Variants in TAF3 observed in about 807,000 individuals in gnomAD.
The protein encoded by TAF3 is transcription initiation factor TFIID subunit 3.
Under a neutral mutation model 80.6 loss-of-function variants are expected in TAF3, and 7 were observed. The observed-to-expected ratio is 0.09, with a 90% CI of 0.05 to 0.16. The LOEUF is 0.16. Among genes scored for constraint, TAF3 ranks in the 10% least tolerant of loss-of-function variants. The pLI, the probability that TAF3 is intolerant of heterozygous loss-of-function variation, is 1.00. For missense variants in TAF3, 921 were observed against 1,140.2 expected, an observed-to-expected ratio of 0.81 and a Z score of 2.77; for synonymous variants, 444 against 446.1, an observed-to-expected ratio of 1.00 and a Z score of 0.06.
In TAF3 at chr10:7,892,547, C is replaced by T. The variant is rs1459096222; in HGVS notation, c.409+67987C>T. Among the ~76,000 whole-genome samples the T allele has an allele frequency of 2.0e-5, 3 of 152,058 alleles. No individual in the cohort carries two copies. In the East Asian group the frequency reaches 5.8e-4, roughly 29 times the overall value. On this transcript the variant is annotated intron_variant, in intron 2 of 6. Coordinates refer to ENST00000344293, the MANE Select transcript of TAF3 (RefSeq NM_031923.4). ...GCAGCATATAGCATTTTATATCTTT[C>T]AATATATTAACATAGTAAATCTTAA... is the stretch of plus-strand genomic sequence containing the variant.
chr10:7,911,560 C>T (rs4749343), intron 2 of TAF3, among the ~76,000 whole-genome samples: 29,929 of 152,136 alleles, frequency 0.2, 3,064 homozygotes, highest in East Asian at 0.3. Context: ...GGAATATCCT[C>T]AGCTTTGTTT....
At chr10:7,954,140 G>T (rs557507520) in intron 2 of TAF3, among the ~76,000 whole-genome samples, 1 of 138,284 alleles carries the variant, frequency 7.2e-6, no homozygotes, top group African/African-American at 2.6e-5. Flanking sequence ...ATTAGTCCCA[G>T]TTAACACAGA....
rs769771292 is a variant in TAF3 at position 8,009,108 on chromosome 10, G to C, written c.2346G>C (p.Glu782Asp). The change falls in exon 5 of 7, where the codon GAG becomes GAC. Residue 782 changes from glutamate to aspartate, a missense_variant. Coordinates refer to ENST00000344293, the MANE Select transcript of TAF3 (RefSeq NM_031923.4). This position sits in a 1 kb window ranked among gnomAD's most constrained non-coding sequence, Gnocchi z 4.1. ...IVISKVVPAP[E>D]AKPAPSQNRP... ...TCAGCAAGGTGGTCCCTGCCCCCGAGGCCAAGCCGGCGCCCTCGCAGAACA... is the reference window on the plus strand; with the variant it reads ...TCAGCAAGGTGGTCCCTGCCCCCGACGCCAAGCCGGCGCCCTCGCAGAACA... The C allele has an allele frequency of 7.5e-6, 12 of 1,601,426 alleles. No homozygotes were observed. The highest frequency in any genetic ancestry group is 2.3e-5 in the East Asian group (1 of 44,346).
chr10:8,005,587 T>TG (rs1564381995), intron 4 of TAF3, among the ~76,000 whole-genome samples: 1 of 152,110 alleles, frequency 6.6e-6, no homozygotes, highest in East Asian at 1.9e-4. Flanking sequence ...CATAACCAAA[T>TG]ATCAGACTTG....
At chr10:7,844,471 G>A (rs1836949917) in intron 2 of TAF3, among the ~76,000 whole-genome samples, 1 of 151,004 alleles carries the variant, frequency 6.6e-6, no homozygotes, top group East Asian at 1.9e-4. Flanking sequence ...CCGCCTCCTG[G>A]GTTCAAGCGA....
chr10:7,993,417 A>C (rs1413867668), intron 4 of TAF3, among the ~76,000 whole-genome samples: 1 of 152,136 alleles, frequency 6.6e-6, no homozygotes, highest in African/African-American at 2.4e-5. Flanking sequence ...GGGCTCAAGC[A>C]ATCCTTCTGC....
At chr10:7,943,517 T>G (rs1020470321) in intron 2 of TAF3, among the ~76,000 whole-genome samples, 1 of 152,194 alleles carries the variant, frequency 6.6e-6, no homozygotes, top group Non-Finnish European at 1.5e-5. Flanking sequence ...TCATTGTCCT[T>G]GCCAGTTCTG....
At chr10:7,856,315 A>G (rs535177393) in intron 2 of TAF3, among the ~76,000 whole-genome samples, 57 of 152,196 alleles carry the variant, frequency 3.7e-4, no homozygotes, top group African/African-American at 1.3e-3. Flanking sequence ...GTCTCTACTA[A>G]AAATACAAAA....
chr10:7,854,681 C>T lies in TAF3; in HGVS notation c.409+30121C>T, dbSNP rs992818187. Among the ~76,000 whole-genome samples the T allele has an allele frequency of 2.0e-5, 3 of 151,794 alleles. No homozygotes were observed. The East Asian group carries it at 5.8e-4, about 29-fold the overall frequency. On this transcript the variant is annotated intron_variant, in intron 2 of 6. Transcript: ENST00000344293. ...TGGGGGGGCGGGGGGAGGGGAGCTT[C>T]ACTAGGAAATCAGGAAGCTAGGGAA...
chr10:7,831,419 C>T (rs1037600238), intron 2 of TAF3, among the ~76,000 whole-genome samples: 2 of 152,204 alleles, frequency 1.3e-5, no homozygotes, highest in African/African-American at 4.8e-5. Context: ...AATCTTGGCT[C>T]ACTGCAACCT....
intron 2 of TAF3, among the ~76,000 whole-genome samples, chr10:7,858,981 T>C (rs1837114488): frequency 6.6e-6 from 1 of 152,104 alleles, no homozygotes; most frequent in African/African-American, 2.4e-5. Context: ...AACACCTTAT[T>C]GAAAAGTGTG....
intron 2 of TAF3, among the ~76,000 whole-genome samples, chr10:7,895,947 C>CG (rs1731211795): frequency 6.6e-6 from 1 of 151,984 alleles, no homozygotes; most frequent in Admixed American, 6.5e-5. Context: ...GCTGACCATG[C>CG]GGGGGTGGAA....
intron 4 of TAF3, among the ~76,000 whole-genome samples, chr10:8,003,637 A>G (rs1164424660): frequency 1.3e-5 from 2 of 152,242 alleles, no homozygotes; most frequent in Non-Finnish European, 2.9e-5. Context: ...CATTTGTTGC[A>G]TTTAATGCAG....
At chr10:7,932,053 G>T (rs1284457527) in intron 2 of TAF3, among the ~76,000 whole-genome samples, 1 of 152,130 alleles carries the variant, frequency 6.6e-6, no homozygotes, top group Non-Finnish European at 1.5e-5. Flanking sequence ...CAGAAATGCA[G>T]AGATCCCCTA....
chr10:7,853,183 A>T (rs1837045808), intron 2 of TAF3, among the ~76,000 whole-genome samples: 2 of 152,170 alleles, frequency 1.3e-5, no homozygotes, highest in Non-Finnish European at 2.9e-5. Flanking sequence ...ATATAAACTT[A>T]TAATTAAATA....
At chr10:7,819,205 C>T (rs893458124) in intron 1 of TAF3, among the ~76,000 whole-genome samples, 6 of 152,064 alleles carry the variant, frequency 3.9e-5, no homozygotes, top group African/African-American at 1.4e-4. Context: ...GATCCACCCC[C>T]AGCGTGCCCT....
intron 2 of TAF3, among the ~76,000 whole-genome samples, chr10:7,914,989 G>A (rs1837695853): frequency 7.0e-6 from 1 of 142,298 alleles, no homozygotes; most frequent in East Asian, 2.1e-4. Context: ...CGCCCAGGCT[G>A]GAGTGCAGTG....
Position 7,983,844 on chromosome 10 carries a change from CAATA to C in TAF3, c.2315+6545_2315+6548del, listed in dbSNP as rs113211341. On this transcript the variant is annotated intron_variant, in intron 4 of 6. Transcript: ENST00000344293. ...ACAGAGTGAGACCCTGTCTCTAAAA[CAATA>C]AATAAATAAATAAATAAATAAATTT... 3.1e-3 allele frequency among the ~76,000 whole-genome samples: 464 copies of C among 150,694 alleles called. 2 individuals are homozygous for C. The highest frequency in any genetic ancestry group is 0.011 in the African/African-American group (439 of 40,886).
At chr10:7,864,659 T>C (rs1381563326) in intron 2 of TAF3, among the ~76,000 whole-genome samples, 1 of 152,166 alleles carries the variant, frequency 6.6e-6, no homozygotes, top group Non-Finnish European at 1.5e-5. Context: ...TGTTTGTCTT[T>C]TTATTATTCA....
Sources: gnomAD v4.1 joint callset for allele counts (sites outside exome capture counted in the v4.1 genomes callset) on GRCh38, gnomAD v4.1.1 for gene constraint, Gnocchi (gnomAD v3.1) non-coding constraint, MANE v1.5 for transcripts, NCBI Gene and HGNC (gene_info 2026-07-23, HGNC 2026-07-21) for gene names.